RAD52: variants seen among roughly 807,000 people sequenced by gnomAD.
RAD52 encodes DNA repair protein RAD52 homolog.
A neutral mutation model predicts 55.5 loss-of-function variants in RAD52; 47 were observed. The observed-to-expected ratio is 0.85, with a 90% CI of 0.67 to 1.08. The LOEUF (loss-of-function observed/expected upper bound fraction) is 1.08, where lower values mean the gene tolerates loss of function less well. RAD52 is among the 50% of genes least tolerant of loss of function. RAD52 has a pLI of 0.00. For missense variants in RAD52, 468 were observed against 522.8 expected, an observed-to-expected ratio of 0.90 and a Z score of 1.02; for synonymous variants, 184 against 198.9, an observed-to-expected ratio of 0.92 and a Z score of 0.63.
At chr12:948,988 C>T (rs967010756) in intron 1 of RAD52, among the ~76,000 whole-genome samples, 3 of 152,148 alleles carry the variant, frequency 2.0e-5, no homozygotes, top group African/African-American at 7.2e-5. Flanking sequence ...TGTGAGACGC[C>T]GCGCCAGACC....
At chr12:970,235 C>T (rs149376548) in intron 1 of RAD52, among the ~76,000 whole-genome samples, 1,613 of 145,232 alleles carry the variant, frequency 0.011, 16 homozygotes, top group South Asian at 0.031. Flanking sequence ...AGGAGAATCA[C>T]CTGAACCCAG....
Position 984,002 on chromosome 12 carries a change from A to G in RAD52, c.-19+5807T>C, listed in dbSNP as rs185684287. 1.1e-3 allele frequency among the ~76,000 whole-genome samples: 172 copies of G among 152,338 alleles called. 3 individuals carry two copies. Among genetic ancestry groups the G allele is most frequent in the Admixed American group, 0.011 (162 of 15,298 alleles). On this transcript the variant is annotated intron_variant, in intron 1 of 11. Coordinates refer to the RAD52 transcript ENST00000430095. ...TATTGTGGTAAAATGTAAGTAACATAACACTTTACTATTTTAACTATTTTT... is the reference window on the plus strand; with the variant it reads ...TATTGTGGTAAAATGTAAGTAACATGACACTTTACTATTTTAACTATTTTT...
chr12:933,879 T>C (rs1957467474), intron 1 of RAD52, among the ~76,000 whole-genome samples: 1 of 151,960 alleles, frequency 6.6e-6, no homozygotes, highest in Non-Finnish European at 1.5e-5. Context: ...CCTACCACCT[T>C]GGGAGGCCAA....
At chr12:981,791 A>AAAATAAAATAAAATC (rs1959019869) in intron 1 of RAD52, among the ~76,000 whole-genome samples, 1 of 151,704 alleles carries the variant, frequency 6.6e-6, no homozygotes, top group Admixed American at 6.6e-5. Flanking sequence ...AAAATAAAAT[A>AAAATAAAATAAAATC]AAATAAAATA....
chr12:944,962 C>T (rs775883317), intron 1 of RAD52, among the ~76,000 whole-genome samples: 4 of 151,844 alleles, frequency 2.6e-5, no homozygotes, highest in Non-Finnish European at 5.9e-5. Context: ...AGGTCAAGAA[C>T]GGCTTGATGA....
At chr12:954,342 C>G (rs1409187290), upstream of RAD52, among the ~76,000 whole-genome samples, 1 of 152,078 alleles carries the variant, frequency 6.6e-6, no homozygotes, top group African/African-American at 2.4e-5. Flanking sequence ...AAATTTTTTA[C>G]AATAACAGGC....
rs185890827 is a variant in RAD52, at chr12:937,280, C to T, written c.-18-4204G>A. Among the ~76,000 whole-genome samples, 21 of 152,290 alleles carry T rather than the reference C, an allele frequency of 1.4e-4. No individual in the cohort carries two copies. In the East Asian group the frequency reaches 3.9e-3, roughly 28 times the overall value. The stretch of plus-strand genomic sequence containing the variant: ...ACTTAATCTTCCTTCTCCCTTCACT[C>T]ACCTTTCCCCTACCTCTGCTTCCTG... On this transcript the variant is annotated intron_variant, in intron 1 of 11. Transcript: ENST00000358495.
At chr12:979,471 G>A (rs1275147366) in intron 1 of RAD52, among the ~76,000 whole-genome samples, 4 of 151,948 alleles carry the variant, frequency 2.6e-5, no homozygotes, top group African/African-American at 4.8e-5. Flanking sequence ...AATTGAGGAC[G>A]TAAGAATGGG....
intron 9 of RAD52, among the ~76,000 whole-genome samples, chr12:915,467 T>C (rs1358699793): frequency 6.6e-6 from 1 of 152,160 alleles, no homozygotes; most frequent in Non-Finnish European, 1.5e-5. Flanking sequence ...AAAAGCTCGA[T>C]GGGTCTGAGA....
chr12:920,087 C>T (rs1340819497), intron 7 of RAD52, among the ~76,000 whole-genome samples: 2 of 112,220 alleles, frequency 1.8e-5, no homozygotes, highest in Admixed American at 8.6e-5. Context: ...CATGGTAGCA[C>T]GCACCTGTAG....
chr12:970,321 A>AG (rs1328811575), intron 1 of RAD52, among the ~76,000 whole-genome samples: 1 of 149,806 alleles, frequency 6.7e-6, no homozygotes. Flanking sequence ...ATCATCTCAA[A>AG]AAAAAAAAAA....
Position 913,461 on chromosome 12 carries a change from G to C in RAD52, c.1196-9C>G, listed in dbSNP as rs1189841566. The C allele has an allele frequency of 6.3e-7, 1 of 1,585,490 alleles. No homozygotes were observed. The highest frequency in any genetic ancestry group is 2.2e-5 in the East Asian group (1 of 44,710). On this transcript the variant is annotated splice_polypyrimidine_tract_variant and intron_variant, in intron 11 of 11. Coordinates refer to ENST00000358495, the MANE Select transcript of RAD52 (RefSeq NM_134424.4). Reference sequence around the variant, plus strand: ...ATGAGATTCCCAGTTTCCTATGGAAGACAAAATGGCTTAAATGTAGCTGCC... The same window carrying C: ...ATGAGATTCCCAGTTTCCTATGGAACACAAAATGGCTTAAATGTAGCTGCC...
chr12:913,543 T>C, intron 11 of RAD52, 91 bp from the exon 12 acceptor site: 3 of 1,034,076 alleles, frequency 2.9e-6, no homozygotes, highest in Non-Finnish European at 4.4e-6. Flanking sequence ...ATGATCCTAA[T>C]TTAGACTAAG....
At chr12:914,650 T>G (rs1425348719) in intron 9 of RAD52, 118 bp from the exon 10 acceptor site, 2 of 1,227,540 alleles carry the variant, frequency 1.6e-6, no homozygotes, top group Non-Finnish European at 2.3e-6. Flanking sequence ...CAACACCGCT[T>G]AGGGCTGCGC....
In RAD52 at chr12:912,732, A is replaced by AC. The variant is rs1956158224; in HGVS notation, c.*658_*659insG. 6.8e-6 allele frequency: 1 copy of AC among 147,834 alleles called. No homozygotes were observed. Among genetic ancestry groups the AC allele is most frequent in the East Asian group, 1.4e-4 (1 of 7,044 alleles). The allele number at this position is 147,834 out of a possible 1,614,324, so 9.2% of individuals were successfully genotyped here. On this transcript the variant is annotated 3_prime_UTR_variant, in exon 12 of 12. Transcript: ENST00000358495. ...AGCCAGACCCCGTCTCAAAAAAAAA[A>AC]AAAAAAAAAAAAACAAAAAACAGCC...
At position 973,381 on chromosome 12, in the gene RAD52, T is replaced by A. The variant is rs1958893890; in HGVS notation, c.-19+16428A>T. ...ACCACACCTGGCCAGAAATTTTAAA[T>A]AATACAGGCAAGAAATGTTGGTGGA... On this transcript the variant is annotated intron_variant, in intron 1 of 11. Transcript: ENST00000430095. Among the ~76,000 whole-genome samples, 3 of 152,080 alleles carry A rather than the reference T, an allele frequency of 2.0e-5. No individual in the cohort carries two copies. In the South Asian group the frequency reaches 6.2e-4, roughly 31 times the overall value.
chr12:961,078 G>T (rs1218442265), intron 1 of RAD52, among the ~76,000 whole-genome samples: 1 of 151,978 alleles, frequency 6.6e-6, no homozygotes, highest in Non-Finnish European at 1.5e-5. Flanking sequence ...AGCACTTTGG[G>T]AGGCAGAGGC....
intron 7 of RAD52, among the ~76,000 whole-genome samples, chr12:919,415 G>A (rs528201989): frequency 2.4e-4 from 36 of 151,812 alleles, no homozygotes; most frequent in South Asian, 2.3e-3. Context: ...CTCCAGCCTC[G>A]GTGACAAGAG....
At chr12:975,416 C>T (rs1958923098) in intron 1 of RAD52, 1 of 151,770 alleles carries the variant, frequency 6.6e-6, no homozygotes, top group Admixed American at 6.6e-5. Context: ...GACCAAAAAC[C>T]ACTCTCATAT....
Sources: gnomAD v4.1 joint callset for allele counts (sites outside exome capture counted in the v4.1 genomes callset) on GRCh38, gnomAD v4.1.1 for gene constraint, MANE v1.5 for transcripts, NCBI Gene and HGNC (gene_info 2026-07-23, HGNC 2026-07-21) for gene names.